The following RELB variants were observed in gnomAD, a reference collection of about 807,000 sequenced individuals.
The protein encoded by RELB is transcription factor RelB.
In RELB, 14 loss-of-function variants were observed where a neutral mutation model predicts 55.4. The ratio of observed to expected loss-of-function variants is 0.25; its 90% CI spans 0.17 to 0.40. RELB has a LOEUF of 0.40. Ranked by LOEUF, RELB falls within the 10% of genes least tolerant of loss-of-function variation. The pLI is 1.00. For synonymous variants in RELB, 409 were observed against 371.3 expected, an observed-to-expected ratio of 1.10 and a Z score of -1.17; for missense variants, 669 against 830.7, an observed-to-expected ratio of 0.81 and a Z score of 2.39.
chr19:45,029,508 T>A (rs1318747823), intron 8 of RELB, among the ~76,000 whole-genome samples: 2 of 151,016 alleles, frequency 1.3e-5, no homozygotes, highest in African/African-American at 2.4e-5. Flanking sequence ...AGCTCAGGAG[T>A]TCGAGACCAG....
At chr19:45,020,010 G>A (rs148032751) in intron 4 of RELB, among the ~76,000 whole-genome samples, 3 of 151,958 alleles carry the variant, frequency 2.0e-5, no homozygotes, top group Non-Finnish European at 2.9e-5. Context: ...CCCCCACCTC[G>A]GCCTCCCAAA....
rs1469761737 is a variant in RELB at position 45,012,101 on chromosome 19, C to T, written c.329C>T (p.Pro110Leu). The T allele has an allele frequency of 1.5e-5, 23 of 1,555,572 alleles. No individual in the cohort carries two copies. The highest frequency in any genetic ancestry group is 2.0e-5 in the Non-Finnish European group (23 of 1,157,804). Residue 110 changes from proline to leucine, a missense_variant, in exon 4 of 12, where the codon CCC becomes CTC. By Grantham distance (98) the Pro-to-Leu change is moderately conservative. Transcript: ENST00000221452. Reference protein sequence around the residue: ...PPATPPPWGCPLGRLVSPAPG... With the variant: ...PPATPPPWGCLLGRLVSPAPG... The stretch of plus-strand genomic sequence containing the variant: ...GCCACGCCGCCGCCTTGGGGCTGCC[C>T]CCTGGGCCGACTAGTGTCCCCAGCG...
chr19:45,022,419 AT>A (rs1226936133), intron 5 of RELB, among the ~76,000 whole-genome samples: 1 of 152,032 alleles, frequency 6.6e-6, no homozygotes, highest in Non-Finnish European at 1.5e-5. Flanking sequence ...TTTTATCCCT[AT>A]TTTGTAGAGG....
At chr19:45,028,777 C>T (rs1971587176) in intron 7 of RELB, 111 bp from the exon 8 acceptor site, 10 of 767,894 alleles carry the variant, frequency 1.3e-5, no homozygotes, top group Non-Finnish European at 2.2e-5. Context: ...TTTTCAATTC[C>T]CTACGTCTCC....
rs780887464 is a variant in RELB at position 45,022,218 on chromosome 19, C to A, written c.662+8C>A. 6 of 1,585,484 alleles carry A rather than the reference C, an allele frequency of 3.8e-6. No homozygotes were observed. In the East Asian group the frequency reaches 9.1e-5, roughly 24 times the overall value. Reference sequence around the variant, plus strand: ...CGTCAGCCCCCGGCACAGGTACCCACCCCCTGACCTCCGACCTCTCATCCT... The same window carrying A: ...CGTCAGCCCCCGGCACAGGTACCCAACCCCTGACCTCCGACCTCTCATCCT... On this transcript the variant is annotated splice_region_variant and intron_variant, in intron 5 of 11. Transcript: ENST00000221452.
In RELB at chr19:45,034,547, T is replaced by A. The variant is rs755854779; in HGVS notation, c.1354+19T>A. 6.3e-7 allele frequency: 1 copy of A among 1,578,684 alleles called. No homozygotes were observed. The highest frequency in any genetic ancestry group is 1.2e-5 in the South Asian group (1 of 86,270). ...GGCTCAGGTGGGTCCCAGCTACACA[T>A]AAGCCCCTGTCCCCTGGGTGGGCAG... is the stretch of plus-strand genomic sequence containing the variant. On this transcript the variant is annotated intron_variant, in intron 11 of 11. Transcript: ENST00000221452.
intron 7 of RELB, 60 bp downstream of exon 7, chr19:45,025,797 C>A: frequency 1.2e-6 from 2 of 1,605,008 alleles, no homozygotes; most frequent in African/African-American, 2.7e-5. Flanking sequence ...CAGAATGTCC[C>A]GCTTACAGAG....
chr19:45,012,915 G>A (rs1479175840), intron 4 of RELB, among the ~76,000 whole-genome samples: 3 of 151,824 alleles, frequency 2.0e-5, no homozygotes, highest in Non-Finnish European at 2.9e-5. Flanking sequence ...CAGGTGTGGT[G>A]GCACATGGCT....
chr19:45,005,501 A>G (rs1971271692), intron 2 of RELB, among the ~76,000 whole-genome samples: 1 of 152,176 alleles, frequency 6.6e-6, no homozygotes, highest in South Asian at 2.1e-4. Flanking sequence ...TGGCTTGGCC[A>G]TTGAAGAAGT....
At position 45,010,441 on chromosome 19, in the gene RELB, C is replaced by T. The variant is rs553416602; in HGVS notation, c.163+619C>T. Among the ~76,000 whole-genome samples the T allele has an allele frequency of 4.0e-5, 6 of 151,724 alleles. No homozygotes were observed. In the South Asian group the frequency reaches 1.3e-3, roughly 32 times the overall value. On this transcript the variant is annotated intron_variant, in intron 3 of 11. Coordinates refer to ENST00000221452, the MANE Select transcript of RELB (RefSeq NM_006509.4). ...GTCCCTGCCCTCGCAGAGCTGATAG[C>T]CCGGTGTGGGAGACAGAGGAAAATG...
chr19:45,026,241 C>CA (rs1024171226), intron 7 of RELB, among the ~76,000 whole-genome samples: 67 of 140,514 alleles, frequency 4.8e-4, no homozygotes, highest in East Asian at 1.0e-3. Context: ...GATTGCATCT[C>CA]AAAAAAAAAA....
chr19:45,009,782 C>A (rs1971326136), intron 2 of RELB, 32 bp from the exon 3 acceptor site: 9 of 1,598,692 alleles, frequency 5.6e-6, no homozygotes, highest in South Asian at 3.3e-5. Flanking sequence ...CTGGACCTTA[C>A]CTTTCTCTTT....
intron 5 of RELB, among the ~76,000 whole-genome samples, chr19:45,022,541 A>G (rs1310936992): frequency 7.2e-6 from 1 of 138,216 alleles, no homozygotes; most frequent in Non-Finnish European, 1.5e-5. Flanking sequence ...TTACTTTACA[A>G]TTCATCTTTT....
rs1971315117 is a variant in RELB at position 45,008,846 on chromosome 19, G to C, written c.155-968G>C. ...ACTGGCGGCCTCTGGGCTTCCCCTT[G>C]TCCTGTCTATGGAATGACGGGAGGT... is the stretch of plus-strand genomic sequence containing the variant. On this transcript the variant is annotated intron_variant, in intron 2 of 11. Transcript: ENST00000221452. 5 of 261,904 alleles carry C rather than the reference G, an allele frequency of 1.9e-5. No homozygotes were observed. The Admixed American group carries it at 2.0e-4, about 11-fold the overall frequency. 16.2% of individuals were successfully genotyped at this position (261,904 alleles called of 1,614,324 possible). A position where few individuals can be genotyped will look rare whatever the true frequency, so the allele number is the denominator to read the frequency against.
Position 45,034,518 on chromosome 19 carries a change from C to T in RELB, c.1344C>T (p.Asn448=). 1.9e-6 allele frequency: 3 copies of T among 1,602,726 alleles called. No individual in the cohort carries two copies. Among genetic ancestry groups the T allele is most frequent in the Non-Finnish European group, 2.6e-6 (3 of 1,174,856 alleles). The change falls in exon 11 of 12, where the codon AAC becomes AAT. Residue 448 remains asparagine, a synonymous_variant. Transcript: ENST00000221452. Reference sequence around the variant, plus strand: ...CCATCCTGGACCACTTCCTGCCCAACCACGGCTCAGGTGGGTCCCAGCTAC... The same window carrying T: ...CCATCCTGGACCACTTCCTGCCCAATCACGGCTCAGGTGGGTCCCAGCTAC... ...KPAILDHFLP[N]HGSGPFLPPS...
chr19:45,008,643 T>C, intron 2 of RELB: 1 of 420,416 alleles, frequency 2.4e-6, no homozygotes, highest in Non-Finnish European at 4.8e-6. Flanking sequence ...GCAGGAAAAC[T>C]ACCTTTCAAG....
At chr19:45,009,560 A>G (rs1026464980) in intron 2 of RELB, among the ~76,000 whole-genome samples, 1 of 152,068 alleles carries the variant, frequency 6.6e-6, no homozygotes, top group Non-Finnish European at 1.5e-5. Flanking sequence ...GTTTTTCGGG[A>G]GGCATTTGGC....
At chr19:45,011,042 G>A (rs1971344404) in intron 3 of RELB, among the ~76,000 whole-genome samples, 2 of 152,016 alleles carry the variant, frequency 1.3e-5, no homozygotes, top group Admixed American at 6.6e-5. Flanking sequence ...AGTGGAGATG[G>A]GGTTTCACCA....
chr19:45,018,300 A>G (rs1040377616), intron 4 of RELB, among the ~76,000 whole-genome samples: 1 of 152,040 alleles, frequency 6.6e-6, no homozygotes, highest in Non-Finnish European at 1.5e-5. Flanking sequence ...GCTACTCGAG[A>G]GGCTGAGGCA....
Sources: allele counts gnomAD v4.1 joint callset (sites outside exome capture counted in the v4.1 genomes callset), GRCh38; gene constraint gnomAD v4.1.1; transcripts MANE v1.5; gene names NCBI Gene and HGNC (gene_info 2026-07-23, HGNC 2026-07-21).